MTSS2: variants seen among roughly 807,000 people sequenced by gnomAD.
The protein encoded by MTSS2 is MTSS I-BAR domain containing 2.
Under a neutral mutation model 67.1 loss-of-function variants are expected in MTSS2, and 27 were observed. The ratio of observed to expected loss-of-function variants is 0.40; its 90% CI spans 0.30 to 0.55. The LOEUF (loss-of-function observed/expected upper bound fraction) is 0.55. Ranked by LOEUF, MTSS2 falls within the 20% of genes least tolerant of loss-of-function variation. The pLI is 0.43. For synonymous variants in MTSS2, 624 were observed against 468.6 expected, an observed-to-expected ratio of 1.33 and a Z score of -4.28; for missense variants, 1,171 against 1,067.8, an observed-to-expected ratio of 1.10 and a Z score of -1.35.
At chr16:70,682,552 C>G (rs1175902407) in intron 1 of MTSS2, among the ~76,000 whole-genome samples, 4 of 152,020 alleles carry the variant, frequency 2.6e-5, no homozygotes, top group African/African-American at 9.7e-5. Context: ...TAAAGGCTCT[C>G]CCCATGGGGA....
intron 11 of MTSS2, among the ~76,000 whole-genome samples, chr16:70,673,974 G>T (rs931001312): frequency 6.6e-6 from 1 of 151,880 alleles, no homozygotes; most frequent in Non-Finnish European, 1.5e-5. Flanking sequence ...ATAGAAAGAA[G>T]AAAGCCAGAA....
Position 70,670,088 on chromosome 16 carries a change from T to G in MTSS2, c.1053+4218A>C, listed in dbSNP as rs555455358. Among the ~76,000 whole-genome samples, 3 of 151,750 alleles carry G rather than the reference T, an allele frequency of 2.0e-5. No homozygotes were observed. In the South Asian group the frequency reaches 6.2e-4, roughly 32 times the overall value. ...GAGTTTGAGACCTGCCTGGCCAACA[T>G]GGCAAAACCCCATCTCTACTAAAAA... On this transcript the variant is annotated intron_variant, in intron 11 of 14. Coordinates refer to ENST00000338779, the MANE Select transcript of MTSS2 (RefSeq NM_138383.3).
chr16:70,674,767 C>A (rs1049375816), intron 10 of MTSS2, among the ~76,000 whole-genome samples: 3 of 152,174 alleles, frequency 2.0e-5, no homozygotes, highest in Admixed American at 2.0e-4. Flanking sequence ...GAGCCGTGGT[C>A]AGGGAATGCC....
intron 11 of MTSS2, among the ~76,000 whole-genome samples, chr16:70,667,356 A>AATT (rs1427606755): frequency 5.9e-5 from 9 of 152,096 alleles, no homozygotes; most frequent in African/African-American, 2.2e-4. Flanking sequence ...AGAATCTACA[A>AATT]ATTATTAGAA....
rs1302614870 is a variant in MTSS2, at chr16:70,674,332, G to A, written c.1027C>T (p.Pro343Ser). The change falls in exon 11 of 15, where the codon CCT (proline) becomes TCT (serine). Residue 343 changes from proline (P) to serine (S), a missense_variant. Around this residue, in one of 2 missense-constraint regions of MTSS2, gnomAD observed 924 missense variants for 756.0 expected, o/e 1.22. Coordinates refer to ENST00000338779, the MANE Select transcript of MTSS2 (RefSeq NM_138383.3). ...QDATYSKPPS[P>S]MPSDITSQKS... ...TGGCTGGTGATGTCTGAAGGCATAG[G>A]CGAGGGGGGCTTGGAGTAGGTGGCG... The A allele has an allele frequency of 1.2e-6, 2 of 1,613,794 alleles. No individual in the cohort carries two copies. The highest frequency in any genetic ancestry group is 2.7e-5 in the African/African-American group (2 of 74,938).
At chr16:70,671,712 T>C (rs890332852) in intron 11 of MTSS2, among the ~76,000 whole-genome samples, 1 of 152,124 alleles carries the variant, frequency 6.6e-6, no homozygotes, top group Non-Finnish European at 1.5e-5. Context: ...ATTTTATTAA[T>C]TAAAAAGGGA....
At chr16:70,684,892 T>A (rs566363986) in intron 1 of MTSS2, among the ~76,000 whole-genome samples, 2 of 151,984 alleles carry the variant, frequency 1.3e-5, no homozygotes, top group South Asian at 2.1e-4. Flanking sequence ...GGGGCTGAGG[T>A]CAGGGGAAGG....
At chr16:70,681,287 C>A (rs1846002380) in intron 1 of MTSS2, among the ~76,000 whole-genome samples, 2 of 152,224 alleles carry the variant, frequency 1.3e-5, no homozygotes, top group Admixed American at 1.3e-4. Flanking sequence ...ACCCTACAGG[C>A]TACAGGGGGC....
At chr16:70,681,985 GC>G (rs1342317747) in intron 1 of MTSS2, among the ~76,000 whole-genome samples, 4 of 152,208 alleles carry the variant, frequency 2.6e-5, no homozygotes, top group Non-Finnish European at 5.9e-5. Context: ...GGCGATGGAG[GC>G]TGGGGCTCTT....
Position 70,661,767 on chromosome 16 carries a change from C to T in MTSS2, c.*1910G>A. ...CACGAGCCCCCCTCTCTGGGTAGCC[C>T]CTGCCTCCTTTCCCATCAGGACCTC... is the stretch of plus-strand genomic sequence containing the variant. On this transcript the variant is annotated 3_prime_UTR_variant, in exon 15 of 15. Transcript: ENST00000338779. 1 of 191,246 alleles carries T rather than the reference C, an allele frequency of 5.2e-6. No individual in the cohort carries two copies. Among genetic ancestry groups the T allele is most frequent in the Non-Finnish European group, 1.1e-5 (1 of 92,512 alleles). The allele number at this position is 191,246 out of a possible 1,614,324, so 11.8% of individuals were successfully genotyped here. A position where few individuals can be genotyped will look rare whatever the true frequency, so the allele number is the denominator to read the frequency against.
Position 70,663,668 on chromosome 16 carries a change from G to T in MTSS2, c.*9C>A. 6.4e-7 allele frequency: 1 copy of T among 1,566,056 alleles called. No individual in the cohort carries two copies. The highest frequency in any genetic ancestry group is 8.6e-7 in the Non-Finnish European group (1 of 1,156,486). On this transcript the variant is annotated 3_prime_UTR_variant, in exon 15 of 15. Coordinates refer to ENST00000338779, the MANE Select transcript of MTSS2 (RefSeq NM_138383.3). The stretch of plus-strand genomic sequence containing the variant: ...ACTGGGGCCTGAGAGGATGGGGAGG[G>T]TGGCGCCATCATAAGATGCGGGGCG...
In MTSS2 at chr16:70,661,453, A is replaced by C. The variant is rs1159218109; in HGVS notation, c.*2224T>G. The C allele has an allele frequency of 8.1e-6, 3 of 370,826 alleles. No individual in the cohort carries two copies. Among genetic ancestry groups the C allele is most frequent in the African/African-American group, 4.2e-5 (2 of 47,078 alleles). The allele number at this position is 370,826 out of a possible 1,614,324, so 23.0% of individuals were successfully genotyped here. A position where few individuals can be genotyped will look rare whatever the true frequency, so the allele number is the denominator to read the frequency against. On this transcript the variant is annotated 3_prime_UTR_variant, in exon 15 of 15. Transcript: ENST00000338779. ...GGGGAATAAATTAAAAAAAGGAACG[A>C]GTTAACAACAGCACCAGGAAAGTTA...
At chr16:70,667,481 C>A (rs1415436538) in intron 11 of MTSS2, among the ~76,000 whole-genome samples, 1 of 152,028 alleles carries the variant, frequency 6.6e-6, no homozygotes, top group African/African-American at 2.4e-5. Flanking sequence ...AAAAACAAAA[C>A]CACCCTAAAA....
chr16:70,680,302 G>A (rs1367351932), intron 3 of MTSS2, among the ~76,000 whole-genome samples: 1 of 152,102 alleles, frequency 6.6e-6, no homozygotes, highest in African/African-American at 2.4e-5. Flanking sequence ...GGGAGAGGCC[G>A]GCGCCAAAGA....
At chr16:70,681,661 G>A (rs2053308578) in intron 1 of MTSS2, among the ~76,000 whole-genome samples, 2 of 152,260 alleles carry the variant, frequency 1.3e-5, no homozygotes, top group Non-Finnish European at 1.5e-5. Context: ...ATGGGGCCTT[G>A]TGCGGCCAAC....
Position 70,665,675 on chromosome 16 carries a change from C to T in MTSS2, c.1054-135G>A, listed in dbSNP as rs1255019914. ...AATTCAGCGCCTTGCCCAGCACCCA[C>T]CCCCCCTACCCCAGGGCCACGGCCG... On this transcript the variant is annotated intron_variant, in intron 11 of 14. Transcript: ENST00000338779. 2.3e-5 allele frequency: 15 copies of T among 664,328 alleles called. No individual in the cohort carries two copies. The East Asian group carries it at 3.2e-4, about 14-fold the overall frequency. The allele number at this position is 664,328 out of a possible 1,614,324, so 41.2% of individuals were successfully genotyped here. A position where few individuals can be genotyped will look rare whatever the true frequency, so the allele number is the denominator to read the frequency against.
In MTSS2 at chr16:70,680,052, GC is replaced by G; in HGVS notation, c.208del (p.Ala70ProfsTer75). On this transcript the variant is annotated frameshift_variant and splice_region_variant, in exon 4 of 15. Coordinates refer to ENST00000338779, the MANE Select transcript of MTSS2 (RefSeq NM_138383.3). LOFTEE classifies it high-confidence loss of function. ...GAGCGCCGAGCCGATGTCCCTCGTG[GC>G]CCCTGGCGAGGCAAGCGCGGGGTGG... Reference protein sequence around the residue: ...VADMATNTRGATRDIGSALTR... With the variant: ...VADMATNTRGXTRDIGSALTR... 3.3e-6 allele frequency: 5 copies of G among 1,521,926 alleles called. No homozygotes were observed. The highest frequency in any genetic ancestry group is 3.5e-6 in the Non-Finnish European group (4 of 1,142,802). The allele number at this position is 1,521,926 out of a possible 1,614,324, so 94.3% of individuals were successfully genotyped here.
In MTSS2 at chr16:70,665,088, G is replaced by A; in HGVS notation, c.1137C>T (p.Ser379=). 1.9e-6 allele frequency: 3 copies of A among 1,596,334 alleles called. No individual in the cohort carries two copies. Among genetic ancestry groups the A allele is most frequent in the South Asian group, 1.1e-5 (1 of 90,544 alleles). The change falls in exon 13 of 15, where the codon TCC becomes TCT. Residue 379 remains serine, a synonymous_variant. Transcript: ENST00000338779. ...SECSSPTSDW[S]KVGSHEQPSG... is the part of the protein sequence containing the mutation. ...AGGGCTGCTCATGGGAGCCGACCTTGGACCAGTCCTGCAGGGAGGGTGTGG... is the reference window on the plus strand; with the variant it reads ...AGGGCTGCTCATGGGAGCCGACCTTAGACCAGTCCTGCAGGGAGGGTGTGG...
rs182371420 is a variant in MTSS2 at position 70,666,058 on chromosome 16, T to C, written c.1054-518A>G. The stretch of plus-strand genomic sequence containing the variant: ...GTTGGGGTTGGAGCCATCAGTGCAG[T>C]GGTCTTGGGGTGGGATGAGGCCACC... On this transcript the variant is annotated intron_variant, in intron 11 of 14. Transcript: ENST00000338779. Among the ~76,000 whole-genome samples, 91 of 152,252 alleles carry C rather than the reference T, an allele frequency of 6.0e-4. No homozygotes were observed. In the South Asian group the frequency reaches 0.011, roughly 18 times the overall value.
Sources: allele counts gnomAD v4.1 joint callset (sites outside exome capture counted in the v4.1 genomes callset), GRCh38; gene constraint gnomAD v4.1.1; regional missense constraint gnomAD v4.1.1; transcripts MANE v1.5; gene names NCBI Gene and HGNC (gene_info 2026-07-23, HGNC 2026-07-21).